Variants in KIF5B observed in about 807,000 individuals in gnomAD.
The protein encoded by KIF5B is kinesin-1 heavy chain.
A neutral mutation model predicts 132.8 loss-of-function variants in KIF5B; 49 were observed. The observed-to-expected ratio is 0.37, with a 90% CI of 0.29 to 0.47. The LOEUF (loss-of-function observed/expected upper bound fraction) is 0.47, where lower values mean the gene tolerates loss of function less well. KIF5B is among the 20% of genes least tolerant of loss of function. The pLI is 1.00. For synonymous variants in KIF5B, 355 were observed against 369.4 expected (o/e 0.96, Z 0.45); for missense variants, 780 against 1,144.0 (o/e 0.68, Z 4.59).
rs1841052762 is a variant in KIF5B at position 32,009,967 on chromosome 10, T to G, written c.*1570A>C. The G allele has an allele frequency of 6.6e-6, 1 of 152,100 alleles. No individual in the cohort carries two copies. The highest frequency in any genetic ancestry group is 2.1e-4 in the South Asian group (1 of 4,830). The allele number at this position is 152,100 out of a possible 1,614,324, so 9.4% of individuals were successfully genotyped here. On this transcript the variant is annotated 3_prime_UTR_variant, in exon 26 of 26. Coordinates refer to ENST00000302418, the MANE Select transcript of KIF5B (RefSeq NM_004521.3). ...AAAATAAATAAATAAATTTATATTTTAAATCAAAATTATTACAAAAGTGGA... is the reference window on the plus strand; with the variant it reads ...AAAATAAATAAATAAATTTATATTTGAAATCAAAATTATTACAAAAGTGGA...
intron 1 of KIF5B, among the ~76,000 whole-genome samples, chr10:32,053,302 A>G (rs1841715774): frequency 6.6e-6 from 1 of 152,190 alleles, no homozygotes; most frequent in African/African-American, 2.4e-5. Flanking sequence ...TGAGACCTCA[A>G]TAATTAATGT....
chr10:32,035,407 AGT>A (rs1841449956), intron 10 of KIF5B, 113 bp downstream of exon 10: 1 of 808,416 alleles, frequency 1.2e-6, no homozygotes, highest in Non-Finnish European at 1.9e-6. Flanking sequence ...ATTCAAACTG[AGT>A]GTGTCTAGCA....
intron 15 of KIF5B, among the ~76,000 whole-genome samples, chr10:32,026,569 AGAC>A (rs1289591413): frequency 6.6e-6 from 1 of 151,500 alleles, no homozygotes; most frequent in Non-Finnish European, 1.5e-5. Flanking sequence ...CTATTTGCAA[AGAC>A]GACTTATTTT....
intron 25 of KIF5B, among the ~76,000 whole-genome samples, chr10:32,013,305 A>G (rs1394100644): frequency 6.6e-6 from 1 of 152,226 alleles, no homozygotes; most frequent in African/African-American, 2.4e-5. Flanking sequence ...AAAACCAGCT[A>G]TTGTATGTCT....
chr10:32,010,375 C>G lies in KIF5B; in HGVS notation c.*1162G>C, dbSNP rs1455267083. 2 of 152,142 alleles carry G rather than the reference C, an allele frequency of 1.3e-5. No individual in the cohort carries two copies. The highest frequency in any genetic ancestry group is 2.4e-5 in the African/African-American group (1 of 41,446). The allele number at this position is 152,142 out of a possible 1,614,324, so 9.4% of individuals were successfully genotyped here. A position where few individuals can be genotyped will look rare whatever the true frequency, so the allele number is the denominator to read the frequency against. The stretch of plus-strand genomic sequence containing the variant: ...GGCTATGGCCAAGAAAATAATTTAT[C>G]TAATGATTATTAGTGACTTGCAAAC... On this transcript the variant is annotated 3_prime_UTR_variant, in exon 26 of 26. Coordinates refer to ENST00000302418, the MANE Select transcript of KIF5B (RefSeq NM_004521.3).
At chr10:32,033,653 T>C (rs1354458165) in intron 12 of KIF5B, among the ~76,000 whole-genome samples, 192 bp downstream of exon 12, 1 of 152,166 alleles carries the variant, frequency 6.6e-6, no homozygotes, top group Non-Finnish European at 1.5e-5. Flanking sequence ...CTCATACAGT[T>C]TCCACACAGA....
intron 1 of KIF5B, among the ~76,000 whole-genome samples, chr10:32,055,495 A>G (rs754862516): frequency 6.7e-6 from 1 of 150,192 alleles, no homozygotes; most frequent in Non-Finnish European, 1.5e-5. Flanking sequence ...GGTTAATCCA[A>G]AACACCAACA....
At chr10:32,038,017 G>A (rs932218639) in intron 6 of KIF5B, 146 bp downstream of exon 6, 8 of 507,484 alleles carry the variant, frequency 1.6e-5, no homozygotes, top group Non-Finnish European at 2.1e-5. Flanking sequence ...GGCTGAGGCA[G>A]GAGAACTGCT....
chr10:32,056,245 C>G lies in KIF5B; in HGVS notation c.-272G>C. On this transcript the variant is annotated 5_prime_UTR_variant, in exon 1 of 26. Coordinates refer to ENST00000302418, the MANE Select transcript of KIF5B (RefSeq NM_004521.3). ...GCACCGGGGAGAGCGTCCGCGGCTCCTCAGCGTCCCCCTTTACGGTCTGGG... is the reference window on the plus strand; with the variant it reads ...GCACCGGGGAGAGCGTCCGCGGCTCGTCAGCGTCCCCCTTTACGGTCTGGG... 2.3e-6 allele frequency: 1 copy of G among 434,192 alleles called. No homozygotes were observed. The highest frequency in any genetic ancestry group is 4.1e-6 in the Non-Finnish European group (1 of 245,336). The allele number at this position is 434,192 out of a possible 1,614,324, so 26.9% of individuals were successfully genotyped here. A position where few individuals can be genotyped will look rare whatever the true frequency, so the allele number is the denominator to read the frequency against.
intron 1 of KIF5B, among the ~76,000 whole-genome samples, chr10:32,051,620 C>A (rs1197084000): frequency 1.3e-5 from 2 of 152,126 alleles, no homozygotes; most frequent in Non-Finnish European, 2.9e-5. Flanking sequence ...GAGTGATTAT[C>A]TTTCTAGAAG....
chr10:32,018,448 A>T (rs1459491570), intron 21 of KIF5B, 54 bp downstream of exon 21: 1 of 1,590,436 alleles, frequency 6.3e-7, no homozygotes, highest in Non-Finnish European at 8.5e-7. Context: ...TAATCATGGT[A>T]GAAAAAACCC....
chr10:32,036,034 G>A, intron 8 of KIF5B, 40 bp from the exon 9 acceptor site: 1 of 1,320,512 alleles, frequency 7.6e-7, no homozygotes, highest in Non-Finnish European at 1.0e-6. Flanking sequence ...AAAATTACAA[G>A]TTTATAATTT....
intron 1 of KIF5B, among the ~76,000 whole-genome samples, chr10:32,049,559 A>C (rs1298716752): frequency 1.3e-5 from 2 of 152,214 alleles, no homozygotes; most frequent in Non-Finnish European, 2.9e-5. Context: ...GAAGTTGTTA[A>C]GTTGAAGTAC....
chr10:32,043,820 G>A lies in KIF5B; in HGVS notation c.215-3363C>T, dbSNP rs1189907579. Among the ~76,000 whole-genome samples the A allele has an allele frequency of 3.3e-5, 5 of 151,984 alleles. No homozygotes were observed. The East Asian group carries it at 9.6e-4, about 29-fold the overall frequency. Reference sequence around the variant, plus strand: ...CAGTGCATTCTCAGTGAACTTGTCGGGGACCCAGAGAGTACTATCTGCTTT... The same window carrying A: ...CAGTGCATTCTCAGTGAACTTGTCGAGGACCCAGAGAGTACTATCTGCTTT... On this transcript the variant is annotated intron_variant, in intron 2 of 25. Transcript: ENST00000302418.
At chr10:32,016,128 G>T (rs1841157113) in intron 24 of KIF5B, among the ~76,000 whole-genome samples, 1 of 152,112 alleles carries the variant, frequency 6.6e-6, no homozygotes, top group South Asian at 2.1e-4. Flanking sequence ...TGGGTGACAA[G>T]CAAGACCCTG....
At chr10:32,013,589 G>A (rs1768211270) in intron 25 of KIF5B, among the ~76,000 whole-genome samples, 1 of 152,144 alleles carries the variant, frequency 6.6e-6, no homozygotes, top group Admixed American at 6.5e-5. Flanking sequence ...CAAACCAGCT[G>A]TACAGGATAG....
chr10:32,023,051 T>A lies in KIF5B; in HGVS notation c.1726-15A>T, dbSNP rs763588284. 6.7e-7 allele frequency: 1 copy of A among 1,493,026 alleles called. No homozygotes were observed. Among genetic ancestry groups the A allele is most frequent in the Non-Finnish European group, 9.0e-7 (1 of 1,111,752 alleles). The allele number at this position is 1,493,026 out of a possible 1,614,324, so 92.5% of individuals were successfully genotyped here. ...CCCTCAGGCTGCTGTAAGGAAAAAG[T>A]AAAATAAAAAATTAAAGCCAAAAAT... On this transcript the variant is annotated splice_polypyrimidine_tract_variant and intron_variant, in intron 15 of 25. Coordinates refer to ENST00000302418, the MANE Select transcript of KIF5B (RefSeq NM_004521.3).
At chr10:32,040,166 TAA>T (rs1841513872) in intron 3 of KIF5B, among the ~76,000 whole-genome samples, 1 of 152,210 alleles carries the variant, frequency 6.6e-6, no homozygotes, top group Non-Finnish European at 1.5e-5. Context: ...TGCTAACTGA[TAA>T]AACAATCTCA....
At chr10:32,024,548 G>A (rs1468233533) in intron 15 of KIF5B, among the ~76,000 whole-genome samples, 4 of 151,678 alleles carry the variant, frequency 2.6e-5, no homozygotes, top group East Asian at 2.0e-4. Flanking sequence ...CAGATCACCT[G>A]AGGTCAGGAG....
Sources: gnomAD v4.1 joint callset for allele counts (sites outside exome capture counted in the v4.1 genomes callset) on GRCh38, gnomAD v4.1.1 for gene constraint, MANE v1.5 for transcripts, NCBI Gene and HGNC (gene_info 2026-07-23, HGNC 2026-07-21) for gene names.